The following SLFN12 variants were observed in gnomAD, a reference collection of about 807,000 sequenced individuals.
The protein encoded by SLFN12 is ribonuclease SLFN12.
In SLFN12, 25 loss-of-function variants were observed where a neutral mutation model predicts 29.1. The observed-to-expected ratio is 0.86, with a 90% CI of 0.63 to 1.20. The LOEUF is 1.20. Ranked by LOEUF, SLFN12 falls within the 50% of genes most tolerant of loss-of-function variation. The pLI is 0.00. For missense variants in SLFN12, 660 were observed against 666.2 expected, an observed-to-expected ratio of 0.99 and a Z score of 0.10; for synonymous variants, 257 against 238.7, an observed-to-expected ratio of 1.08 and a Z score of -0.71.
At chr17:35,412,875 C>G (rs887022115) in intron 3 of SLFN12, among the ~76,000 whole-genome samples, 3 of 151,740 alleles carry the variant, frequency 2.0e-5, no homozygotes, top group Non-Finnish European at 4.4e-5. Flanking sequence ...ATGAAGATGT[C>G]CTTATTCTCT....
At chr17:35,419,603 A>G (rs1233242116) in intron 3 of SLFN12, among the ~76,000 whole-genome samples, 1 of 152,158 alleles carries the variant, frequency 6.6e-6, no homozygotes, top group East Asian at 1.9e-4. Flanking sequence ...GAAGGAGGTC[A>G]AGAGAAGGAC....
At position 35,411,546 on chromosome 17, in the gene SLFN12, T is replaced by G; in HGVS notation, c.1529A>C (p.Tyr510Ser). ...GTAAATTACTTGCGACCTTAAATCA[T>G]ACTGGCAGCTTGTCATGCCTTCAGG... Reference protein sequence around the residue: ...LSPEGMTSCQYDLRSQVIYPE... With the variant: ...LSPEGMTSCQSDLRSQVIYPE... The change falls in exon 4 of 4, where the codon TAT becomes TCT. Residue 510 changes from tyrosine to serine, a missense_variant. Transcript: ENST00000304905. 4 of 1,614,100 alleles carry G rather than the reference T, an allele frequency of 2.5e-6. No homozygotes were observed. The highest frequency in any genetic ancestry group is 3.4e-6 in the Non-Finnish European group (4 of 1,180,004).
intron 1 of SLFN12, among the ~76,000 whole-genome samples, chr17:35,431,658 G>T (rs1081735): frequency 1.3e-5 from 2 of 151,802 alleles, no homozygotes; most frequent in Admixed American, 1.3e-4. Context: ...CCTCCAGAGG[G>T]GATGGCCTAC....
chr17:35,422,926 T>C lies in SLFN12; in HGVS notation c.103A>G (p.Lys35Glu), dbSNP rs746806993. ...ENSRKKMKDC[K>E]LRKKQNESVS... is the part of the protein sequence containing the mutation. The stretch of plus-strand genomic sequence containing the variant: ...CTTTCATTCTGCTTTTTTCTCAGTT[T>C]ACAATCCTTCATTTTTTTCCTACTG... Residue 35 changes from lysine (K) to glutamate (E), a missense_variant, in exon 2 of 4, where the codon AAA becomes GAA. Physicochemically the swap from Lys to Glu is moderately conservative, Grantham distance 56 (BLOSUM62 1). Transcript: ENST00000304905. The C allele has an allele frequency of 1.5e-5, 24 of 1,614,002 alleles. No individual in the cohort carries two copies. The South Asian group carries it at 2.3e-4, about 16-fold the overall frequency.
chr17:35,422,420 A>G lies in SLFN12; in HGVS notation c.609T>C (p.His203=). Residue 203 remains histidine (H), a synonymous_variant, in exon 2 of 4, where the codon CAT becomes CAC. Coordinates refer to ENST00000304905, the MANE Select transcript of SLFN12 (RefSeq NM_018042.5). ...KEKLTFTEST[H]VEIKNFSTEK... is the part of the protein sequence containing the mutation. ...CTGTCGAGAAGTTTTTAATTTCAAC[A>G]TGTGTGGATTCAGTAAAGGTCAATT... 1.2e-6 allele frequency: 2 copies of G among 1,613,764 alleles called. No homozygotes were observed. The highest frequency in any genetic ancestry group is 1.7e-6 in the Non-Finnish European group (2 of 1,179,920).
Position 35,420,375 on chromosome 17 carries a change from GA to G in SLFN12, c.1045del (p.Ser349ProfsTer7). On this transcript the variant is annotated frameshift_variant, in exon 3 of 4. Transcript: ENST00000304905. LOFTEE classifies it high-confidence loss of function. ...QFMVEAEPKF[S>X]SSYEEVISQI... Reference sequence around the variant, plus strand: ...AGAGATCACCTCTTCATATGAACTGGAAAATTCTTAAAAACAAAAATATCAC... The same window carrying G: ...AGAGATCACCTCTTCATATGAACTGGAAATTCTTAAAAACAAAAATATCAC... The G allele has an allele frequency of 6.2e-7, 1 of 1,611,054 alleles. No homozygotes were observed. The highest frequency in any genetic ancestry group is 8.5e-7 in the Non-Finnish European group (1 of 1,177,900).
rs1237287947 is a variant in SLFN12 at position 35,411,926 on chromosome 17, C to G, written c.1149G>C (p.Gly383=). The G allele has an allele frequency of 6.4e-7, 1 of 1,559,212 alleles. No individual in the cohort carries two copies. Among genetic ancestry groups the G allele is most frequent in the Non-Finnish European group, 8.7e-7 (1 of 1,155,836 alleles). ...GAGTATACGTTATCCTTCCTGATAG[C>G]CCTGAATAAGGAAATAATAATAATA... ...EWQRQRHHCP[G]LSGRITYTPE... The change falls in exon 4 of 4, where the codon GGG becomes GGC. Residue 383 remains glycine (G), a splice_region_variant and synonymous_variant. Coordinates refer to ENST00000304905, the MANE Select transcript of SLFN12 (RefSeq NM_018042.5).
At chr17:35,428,218 G>T (rs766722804) in intron 1 of SLFN12, among the ~76,000 whole-genome samples, 1 of 152,082 alleles carries the variant, frequency 6.6e-6, no homozygotes, top group Non-Finnish European at 1.5e-5. Context: ...CAAAGATTTT[G>T]ATATATATTA....
intron 1 of SLFN12, among the ~76,000 whole-genome samples, chr17:35,428,905 G>T (rs1161099720): frequency 1.3e-5 from 2 of 152,014 alleles, no homozygotes; most frequent in Admixed American, 6.6e-5. Context: ...CTGCCCCAAA[G>T]GCAAGTCCAC....
At chr17:35,427,542 T>C (rs1483534663) in intron 1 of SLFN12, among the ~76,000 whole-genome samples, 1 of 152,108 alleles carries the variant, frequency 6.6e-6, no homozygotes, top group Non-Finnish European at 1.5e-5. Context: ...TTACCCAACA[T>C]GAGGACCTTT....
intron 1 of SLFN12, among the ~76,000 whole-genome samples, chr17:35,429,510 T>C (rs1429930769): frequency 6.6e-6 from 1 of 152,132 alleles, no homozygotes; most frequent in Non-Finnish European, 1.5e-5. Flanking sequence ...ATGTTTCCAC[T>C]GAAATCCTTT....
At chr17:35,420,453 A>T in intron 2 of SLFN12, 72 bp from the exon 3 acceptor site, 1 of 889,330 alleles carries the variant, frequency 1.1e-6, no homozygotes, top group Non-Finnish European at 1.7e-6. Flanking sequence ...ATAGTATTAT[A>T]TATTAAAAGT....
intron 1 of SLFN12, among the ~76,000 whole-genome samples, chr17:35,431,097 C>A (rs1191961731): frequency 6.6e-6 from 1 of 152,054 alleles, no homozygotes; most frequent in Non-Finnish European, 1.5e-5. Context: ...AGAAAACATG[C>A]ATTGAAAGTG....
At position 35,411,319 on chromosome 17, in the gene SLFN12, T is replaced by G; in HGVS notation, c.*19A>C. On this transcript the variant is annotated 3_prime_UTR_variant, in exon 4 of 4. Coordinates refer to ENST00000304905, the MANE Select transcript of SLFN12 (RefSeq NM_018042.5). ...AAATATATAATGAAAAATATCTCAGTAGCCCAGTCCATTTTCCATCAGGTG... is the reference window on the plus strand; with the variant it reads ...AAATATATAATGAAAAATATCTCAGGAGCCCAGTCCATTTTCCATCAGGTG... 1 of 1,419,936 alleles carries G rather than the reference T, an allele frequency of 7.0e-7. No homozygotes were observed. Among genetic ancestry groups the G allele is most frequent in the Non-Finnish European group, 9.5e-7 (1 of 1,051,144 alleles). The allele number at this position is 1,419,936 out of a possible 1,614,324, so 88.0% of individuals were successfully genotyped here. A position where few individuals can be genotyped will look rare whatever the true frequency, so the allele number is the denominator to read the frequency against.
rs773509182 is a variant in SLFN12, at chr17:35,422,465, T to C, written c.564A>G (p.Thr188=). The C allele has an allele frequency of 3.7e-6, 6 of 1,612,510 alleles. No individual in the cohort carries two copies. Among genetic ancestry groups the C allele is most frequent in the Non-Finnish European group, 3.4e-6 (4 of 1,179,642 alleles). The change falls in exon 2 of 4, where the codon ACA becomes ACG. Residue 188 remains threonine (T), a synonymous_variant. Coordinates refer to ENST00000304905, the MANE Select transcript of SLFN12 (RefSeq NM_018042.5). ...TCAATTTTTCTTTCCGATCAAGTTC[T>C]GTTCTATCAAAAAAAACCCCGGCCA... ...KALAGVFFDR[T]ELDRKEKLTF...
At chr17:35,420,498 TTAA>T in intron 2 of SLFN12, 117 bp from the exon 3 acceptor site, 1 of 644,770 alleles carries the variant, frequency 1.6e-6, no homozygotes, top group Non-Finnish European at 2.6e-6. Context: ...CAAAAAAAAA[TTAA>T]TGTTAGATAT....
intron 2 of SLFN12, chr17:35,420,640 G>T (rs914756706): frequency 2.5e-5 from 7 of 284,522 alleles, no homozygotes; most frequent in African/African-American, 1.6e-4. Context: ...CCATATAATT[G>T]GGTTTATTTT....
intron 3 of SLFN12, among the ~76,000 whole-genome samples, chr17:35,417,569 A>C (rs1017865444): frequency 6.6e-6 from 1 of 152,044 alleles, no homozygotes; most frequent in Non-Finnish European, 1.5e-5. Context: ...CCATAGACAC[A>C]CTCTCTTTAA....
At chr17:35,425,172 C>T (rs796921951) in intron 1 of SLFN12, among the ~76,000 whole-genome samples, 1 of 151,936 alleles carries the variant, frequency 6.6e-6, no homozygotes, top group East Asian at 1.9e-4. Flanking sequence ...TGGTTTGTGC[C>T]TATGGTCTCA....
Sources: gnomAD v4.1 joint callset for allele counts (sites outside exome capture counted in the v4.1 genomes callset) on GRCh38, gnomAD v4.1.1 for gene constraint, MANE v1.5 for transcripts, NCBI Gene and HGNC (gene_info 2026-07-23, HGNC 2026-07-21) for gene names.